DYNC2H1: variants seen among roughly 807,000 people sequenced by gnomAD.
DYNC2H1 encodes dynein cytoplasmic 2 heavy chain 1, also known as cytoplasmic dynein 2 heavy chain 1.
Under a neutral mutation model 570.0 loss-of-function variants are expected in DYNC2H1, and 410 were observed. That is an observed-to-expected ratio of 0.72 (90% CI 0.66 to 0.78). DYNC2H1 has a LOEUF of 0.78. Among genes scored for constraint, DYNC2H1 ranks in the 30% least tolerant of loss-of-function variants. The pLI is 0.00. For synonymous variants in DYNC2H1, 1,688 were observed against 1,677.6 expected, an observed-to-expected ratio of 1.01 and a Z score of -0.15; for missense variants, 4,865 against 5,046.4, an observed-to-expected ratio of 0.96 and a Z score of 1.09.
chr11:103,247,948 A>C (rs1045899870), intron 65 of DYNC2H1, among the ~76,000 whole-genome samples: 51 of 152,196 alleles, frequency 3.4e-4, no homozygotes, highest in African/African-American at 1.2e-3. Context: ...CAGTTGCCTC[A>C]ATTACTTCCA....
rs1237458790 is a variant in DYNC2H1, at chr11:103,209,814, G to C, written c.8455-62G>C. 6 of 1,284,074 alleles carry C rather than the reference G, an allele frequency of 4.7e-6. No homozygotes were observed. Among genetic ancestry groups the C allele is most frequent in the African/African-American group, 1.6e-5 (1 of 63,396 alleles). The allele number at this position is 1,284,074 out of a possible 1,614,324, so 79.5% of individuals were successfully genotyped here. ...CAATACTGACTTTTTTTGTATTAAA[G>C]GTTTTTAACTTATGATATGGGACTT... On this transcript the variant is annotated intron_variant, in intron 52 of 88. Coordinates refer to ENST00000375735, the MANE Select transcript of DYNC2H1 (RefSeq NM_001377.3). The surrounding 1 kb of genome is among the most constrained non-coding windows in gnomAD (Gnocchi z 4.2).
At position 103,295,859 on chromosome 11, in the gene DYNC2H1, C is replaced by A. The variant is rs542212126; in HGVS notation, c.11096-7234C>A. On this transcript the variant is annotated intron_variant, in intron 75 of 88. Coordinates refer to ENST00000375735, the MANE Select transcript of DYNC2H1 (RefSeq NM_001377.3). Reference sequence around the variant, plus strand: ...AGGGTGTATAAAGGTCAAGAGCTATCTTTGTTCCGGGCCCAGTCTCAGGAT... The same window carrying A: ...AGGGTGTATAAAGGTCAAGAGCTATATTTGTTCCGGGCCCAGTCTCAGGAT... 5.3e-5 allele frequency among the ~76,000 whole-genome samples: 8 copies of A among 152,318 alleles called. No individual in the cohort carries two copies. The South Asian group carries it at 1.7e-3, about 32-fold the overall frequency.
intron 32 of DYNC2H1, among the ~76,000 whole-genome samples, chr11:103,169,832 A>G (rs898397976): frequency 6.6e-6 from 1 of 152,176 alleles, no homozygotes; most frequent in Non-Finnish European, 1.5e-5. Context: ...CCTTAGAAGT[A>G]TATCTTTGTG....
At chr11:103,475,820 A>C (rs960075484) in intron 88 of DYNC2H1, among the ~76,000 whole-genome samples, 2 of 152,194 alleles carry the variant, frequency 1.3e-5, no homozygotes, top group African/African-American at 4.8e-5. Context: ...CAGCATTATT[A>C]AGTTCCTAAT....
At chr11:103,229,962 T>A (rs1476002205) in intron 59 of DYNC2H1, among the ~76,000 whole-genome samples, 1 of 152,208 alleles carries the variant, frequency 6.6e-6, no homozygotes, top group East Asian at 1.9e-4. Context: ...ACCAGCAGCA[T>A]CAGCATCACT....
At position 103,211,882 on chromosome 11, in the gene DYNC2H1, T is replaced by G. The variant is rs202026739; in HGVS notation, c.8633T>G (p.Val2878Gly). 2.0e-6 allele frequency: 3 copies of G among 1,537,044 alleles called. No individual in the cohort carries two copies. Among genetic ancestry groups the G allele is most frequent in the Non-Finnish European group, 2.6e-6 (3 of 1,138,868 alleles). Residue 2878 changes from valine (V) to glycine (G), a missense_variant, in exon 54 of 89, where the codon GTG becomes GGG. Val to Gly is a moderately radical substitution (Grantham distance 109). Transcript: ENST00000375735. ...TPSRYMTFLH[V>G]YSAISSSKKK... ...AGCCGATACATGACCTTTTTACATG[T>G]GTATTCTGCCATTAGTAGTAGCAAG...
chr11:103,464,703 T>C (rs1945136355), intron 87 of DYNC2H1, among the ~76,000 whole-genome samples: 1 of 152,164 alleles, frequency 6.6e-6, no homozygotes, highest in Non-Finnish European at 1.5e-5. Context: ...TTAAACTTTA[T>C]TGCCATCTAA....
At chr11:103,247,947 C>G (rs552994674) in intron 65 of DYNC2H1, among the ~76,000 whole-genome samples, 1 of 151,994 alleles carries the variant, frequency 6.6e-6, no homozygotes, top group South Asian at 2.1e-4. Context: ...ACAGTTGCCT[C>G]AATTACTTCC....
chr11:103,139,589 A>T (rs907079373), intron 17 of DYNC2H1, among the ~76,000 whole-genome samples: 2 of 151,640 alleles, frequency 1.3e-5, no homozygotes, highest in Admixed American at 1.3e-4. Flanking sequence ...ACAGTTTGTT[A>T]TAATTTCTGT....
At position 103,124,605 on chromosome 11, in the gene DYNC2H1, GA is replaced by G. The variant is rs1390101109; in HGVS notation, c.1662-492del. Among the ~76,000 whole-genome samples the G allele has an allele frequency of 3.9e-5, 6 of 152,028 alleles. No homozygotes were observed. The East Asian group carries it at 1.2e-3, about 29-fold the overall frequency. ...ATATTTGCTATTATAGCCTTTACAA[GA>G]AACACAAAAAAGGACAATTATTAGG... On this transcript the variant is annotated intron_variant, in intron 11 of 88. Transcript: ENST00000375735.
At chr11:103,211,693 G>A in intron 53 of DYNC2H1, 96 bp from the exon 54 acceptor site, 1 of 514,592 alleles carries the variant, frequency 1.9e-6, no homozygotes, top group South Asian at 4.9e-5. Flanking sequence ...TAGCATGGAA[G>A]TATCTTGTAT....
intron 10 of DYNC2H1, 131 bp from the exon 11 acceptor site, chr11:103,122,694 T>C: frequency 1.3e-6 from 1 of 785,506 alleles, no homozygotes; most frequent in Admixed American, 3.0e-5. Flanking sequence ...TTGGTGAATC[T>C]TCCGTTTCAC....
At position 103,145,656 on chromosome 11, in the gene DYNC2H1, A is replaced by G. The variant is rs1401056036; in HGVS notation, c.2703-2116A>G. On this transcript the variant is annotated intron_variant, in intron 18 of 88. Transcript: ENST00000375735. The surrounding 1 kb of genome is among the most constrained non-coding windows in gnomAD (Gnocchi z 4.2). Reference sequence around the variant, plus strand: ...CATGTATTCATCTAAGTGAATACATACATATGCACATACAAACATACACAT... The same window carrying G: ...CATGTATTCATCTAAGTGAATACATGCATATGCACATACAAACATACACAT... Among the ~76,000 whole-genome samples the G allele has an allele frequency of 2.0e-5, 3 of 152,250 alleles. No homozygotes were observed. Among genetic ancestry groups the G allele is most frequent in the South Asian group, 2.1e-4 (1 of 4,838 alleles).
chr11:103,270,328 G>A (rs1329499836), intron 70 of DYNC2H1, among the ~76,000 whole-genome samples: 1 of 152,012 alleles, frequency 6.6e-6, no homozygotes, highest in Non-Finnish European at 1.5e-5. Flanking sequence ...TAGGACTGTA[G>A]ATAGTACCAA....
chr11:103,361,000 G>T (rs1416880803), intron 83 of DYNC2H1, among the ~76,000 whole-genome samples: 2 of 152,104 alleles, frequency 1.3e-5, no homozygotes, highest in Non-Finnish European at 2.9e-5. Context: ...TTCAAGCCAA[G>T]GTGACAGCAT....
chr11:103,297,473 G>A (rs543161339), intron 75 of DYNC2H1, among the ~76,000 whole-genome samples: 142 of 152,230 alleles, frequency 9.3e-4, no homozygotes, highest in African/African-American at 2.3e-3. Context: ...TAGAGTGTAC[G>A]TAAACCTTGA....
At chr11:103,148,458 A>T in intron 19 of DYNC2H1, 32 bp from the exon 20 acceptor site, 3 of 1,540,430 alleles carry the variant, frequency 1.9e-6, no homozygotes, top group Non-Finnish European at 2.6e-6. Flanking sequence ...GGTAATAATT[A>T]ACATTTCTTG....
intron 28 of DYNC2H1, 26 bp downstream of exon 28, chr11:103,159,053 ATATT>A (rs2134909165): frequency 6.4e-7 from 1 of 1,562,908 alleles, no homozygotes; most frequent in East Asian, 2.3e-5. Context: ...TATTTAACAG[ATATT>A]TATTGAGTTT....
At chr11:103,321,369 A>G (rs576633574) in intron 81 of DYNC2H1, 132 bp downstream of exon 81, 14 of 978,302 alleles carry the variant, frequency 1.4e-5, no homozygotes, top group African/African-American at 3.2e-5. Context: ...TGTTATGACA[A>G]TATATGGCTT....
Sources: gnomAD v4.1 joint callset for allele counts (sites outside exome capture counted in the v4.1 genomes callset) on GRCh38, gnomAD v4.1.1 for gene constraint, Gnocchi (gnomAD v3.1) non-coding constraint, MANE v1.5 for transcripts, NCBI Gene and HGNC (gene_info 2026-07-23, HGNC 2026-07-21) for gene names.